The following MOV10 variants were observed in gnomAD, a reference collection of about 807,000 sequenced individuals.
MOV10 encodes RNA helicase MOV-10.
Under a neutral mutation model 108.4 loss-of-function variants are expected in MOV10, and 39 were observed. The ratio of observed to expected loss-of-function variants is 0.36; its 90% CI spans 0.28 to 0.47. MOV10 has a LOEUF of 0.47. Among genes scored for constraint, MOV10 ranks in the 20% least tolerant of loss-of-function variants. The pLI, the probability that MOV10 is intolerant of heterozygous loss-of-function variation, is 1.00. For synonymous variants in MOV10, 490 were observed against 523.1 expected (o/e 0.94, Z 0.86); for missense variants, 952 against 1,297.6 (o/e 0.73, Z 4.09).
intron 2 of MOV10, among the ~76,000 whole-genome samples, chr1:112,679,190 A>G (rs1265543239): frequency 6.6e-6 from 1 of 151,986 alleles, no homozygotes; most frequent in Non-Finnish European, 1.5e-5. Flanking sequence ...TGTTCACCCA[A>G]CAAACAGCAG....
intron 3 of MOV10, 62 bp downstream of exon 3, chr1:112,689,200 A>T: frequency 1.3e-6 from 2 of 1,491,172 alleles, no homozygotes; most frequent in South Asian, 1.2e-5. Context: ...GAAGGGGGCT[A>T]TCTGTGTGAG....
chr1:112,685,933 G>A (rs1673050115), intron 2 of MOV10, among the ~76,000 whole-genome samples: 1 of 152,150 alleles, frequency 6.6e-6, no homozygotes, highest in African/African-American at 2.4e-5. Flanking sequence ...CTTGTGCCAT[G>A]CAGGTTTTCA....
intron 20 of MOV10, 25 bp from the exon 21 acceptor site, chr1:112,700,389 GAC>G (rs759497180): frequency 8.7e-6 from 14 of 1,613,834 alleles, no homozygotes; most frequent in Non-Finnish European, 1.1e-5. Flanking sequence ...TGGTAAGGAA[GAC>G]ACAGTGTACT....
At chr1:112,674,750 G>A (rs1236309636) in intron 1 of MOV10, 21 bp downstream of exon 1, 7 of 612,524 alleles carry the variant, frequency 1.1e-5, no homozygotes, top group African/African-American at 2.0e-5. Flanking sequence ...AACGGAGGAG[G>A]GAAGCCTGGT....
rs1211300156 is a variant in MOV10, at chr1:112,687,095, C to T, written c.138-1840C>T. The T allele has an allele frequency of 1.3e-5, 6 of 452,192 alleles. 1 individual carries two copies. Among genetic ancestry groups the T allele is most frequent in the South Asian group, 7.8e-5 (5 of 64,216 alleles). The allele number at this position is 452,192 out of a possible 1,614,324, so 28.0% of individuals were successfully genotyped here. A position where few individuals can be genotyped will look rare whatever the true frequency, so the allele number is the denominator to read the frequency against. ...TCTGTAACCACAGTGTAGCCTCTGA[C>T]GTGGGCTGAAAGTAAGTTGTTACTA... On this transcript the variant is annotated intron_variant, in intron 2 of 20. Transcript: ENST00000369645.
Position 112,692,826 on chromosome 1 carries a change from T to C in MOV10, c.1037T>C (p.Leu346Pro). 1 of 1,614,066 alleles carries C rather than the reference T, an allele frequency of 6.2e-7. No individual in the cohort carries two copies. Residue 346 changes from leucine (L) to proline (P), a missense_variant, in exon 7 of 21, where the codon CTG (leucine) becomes CCG (proline). Physicochemically the swap from Leu to Pro is moderately conservative, Grantham distance 98. Transcript: ENST00000369645. ...GTGAAGCTGCGGCTGCTGCTGCACC[T>C]GGAGGAACTGCAGATGGAGCATGAT... is the stretch of plus-strand genomic sequence containing the variant. ...YEVKLRLLLH[L>P]EELQMEHDIR...
chr1:112,698,566 A>G, intron 16 of MOV10, 88 bp downstream of exon 16: 1 of 1,479,018 alleles, frequency 6.8e-7, no homozygotes, highest in Non-Finnish European at 9.3e-7. Flanking sequence ...AGGCTCCAGG[A>G]GCTTAGGCCT....
intron 10 of MOV10, 32 bp from the exon 11 acceptor site, chr1:112,695,384 T>C: frequency 6.2e-7 from 1 of 1,607,302 alleles, no homozygotes; most frequent in South Asian, 1.1e-5. Flanking sequence ...CTCAGGAACC[T>C]GCCTCCCACA....
intron 6 of MOV10, 110 bp downstream of exon 6, chr1:112,691,909 C>A: frequency 8.2e-7 from 1 of 1,225,274 alleles, no homozygotes; most frequent in Non-Finnish European, 1.2e-6. Context: ...TCATTCATTC[C>A]CTTACTGAGC....
At chr1:112,695,657 G>C (rs888046760) in intron 11 of MOV10, 83 bp downstream of exon 11, 15 of 1,441,664 alleles carry the variant, frequency 1.0e-5, no homozygotes, top group Non-Finnish European at 1.4e-5. Context: ...GAAGCTAGGA[G>C]ACCTGGATTC....
At position 112,694,355 on chromosome 1, in the gene MOV10, AAG is replaced by A. The variant is rs1673863216; in HGVS notation, c.1296-95_1296-94del. ...AGAGAACTTGCATAGAGGTCTTGGA[AAG>A]AGGGGTTGGGACACTGGTTGGTGGA... On this transcript the variant is annotated intron_variant, in intron 8 of 20. Transcript: ENST00000369645. This position sits in a 1 kb window ranked among gnomAD's most constrained non-coding sequence, Gnocchi z 4.1. The A allele has an allele frequency of 1.3e-6, 2 of 1,515,890 alleles. No individual in the cohort carries two copies. Among genetic ancestry groups the A allele is most frequent in the Non-Finnish European group, 1.8e-6 (2 of 1,102,902 alleles). The allele number at this position is 1,515,890 out of a possible 1,614,324, so 93.9% of individuals were successfully genotyped here. A position where few individuals can be genotyped will look rare whatever the true frequency, so the allele number is the denominator to read the frequency against.
chr1:112,687,062 G>A (rs763708041), intron 2 of MOV10: 14 of 456,304 alleles, frequency 3.1e-5, no homozygotes, highest in African/African-American at 4.0e-5. Flanking sequence ...CCCACCAACC[G>A]CAGTGGTTCT....
At chr1:112,693,997 G>C (rs372019221) in intron 7 of MOV10, 21 bp from the exon 8 acceptor site, 47 of 1,613,394 alleles carry the variant, frequency 2.9e-5, no homozygotes, top group Non-Finnish European at 3.6e-5. Flanking sequence ...ACAGAAGCTT[G>C]CTTGTGTTCA....
intron 2 of MOV10, among the ~76,000 whole-genome samples, chr1:112,682,882 T>C (rs1056974943): frequency 6.6e-6 from 1 of 152,126 alleles, no homozygotes; most frequent in African/African-American, 2.4e-5. Context: ...GACAGTGTTT[T>C]TAGTTTGGGG....
At chr1:112,697,641 A>G (rs960916369) in intron 14 of MOV10, among the ~76,000 whole-genome samples, 6 of 152,332 alleles carry the variant, frequency 3.9e-5, no homozygotes, top group Non-Finnish European at 7.3e-5. Flanking sequence ...ATCACTGCTT[A>G]TATTTTTTGA....
Position 112,689,592 on chromosome 1 carries a change from G to A in MOV10, c.519G>A (p.Arg173=), listed in dbSNP as rs540281544. The change falls in exon 4 of 21, where the codon CGG becomes CGA. Residue 173 remains arginine (R), a synonymous_variant. Coordinates refer to ENST00000369645, the MANE Select transcript of MOV10 (RefSeq NM_001321324.2). ...TCACTCACCTCTTCCCACTCTGCCG[G>A]ACACCCCAGTTTGCTTTCTACAATG... ...VTLTHLFPLC[R]TPQFAFYNED... 3 of 1,614,162 alleles carry A rather than the reference G, an allele frequency of 1.9e-6. No individual in the cohort carries two copies. The highest frequency in any genetic ancestry group is 4.5e-5 in the East Asian group (2 of 44,874).
chr1:112,695,356 G>T, intron 10 of MOV10, 60 bp from the exon 11 acceptor site: 1 of 1,572,568 alleles, frequency 6.4e-7, no homozygotes, highest in South Asian at 1.2e-5. Context: ...CCCTGCCCCA[G>T]CCTGGGTACG....
At position 112,698,741 on chromosome 1, in the gene MOV10, C is replaced by G. The variant is rs974879825; in HGVS notation, c.2535C>G (p.Thr845=). ...KQVEKIRYCI[T]KLDRELRGLD... is the part of the protein sequence containing the mutation. ...TGGAGAAAATCCGTTACTGCATCAC[C>G]AAACTTGACAGGGAGCTTCGAGGAC... Residue 845 remains threonine (T), a synonymous_variant, in exon 17 of 21, where the codon ACC becomes ACG. Transcript: ENST00000369645. 1 of 1,614,186 alleles carries G rather than the reference C, an allele frequency of 6.2e-7. No individual in the cohort carries two copies. Among genetic ancestry groups the G allele is most frequent in the Non-Finnish European group, 8.5e-7 (1 of 1,180,008 alleles).
chr1:112,699,066 G>A (rs1674377993), intron 17 of MOV10: 1 of 426,728 alleles, frequency 2.3e-6, no homozygotes, highest in Non-Finnish European at 4.2e-6. Context: ...TCCAAATTCC[G>A]TGGCCTGTCA....
Sources: gnomAD v4.1 joint callset for allele counts (sites outside exome capture counted in the v4.1 genomes callset) on GRCh38, gnomAD v4.1.1 for gene constraint, Gnocchi (gnomAD v3.1) non-coding constraint, MANE v1.5 for transcripts, NCBI Gene and HGNC (gene_info 2026-07-23, HGNC 2026-07-21) for gene names.